PGM5: variants seen among roughly 807,000 people sequenced by gnomAD.
PGM5 encodes the protein phosphoglucomutase-like protein 5.
Under a neutral mutation model 59.2 loss-of-function variants are expected in PGM5, and 23 were observed. The observed-to-expected ratio is 0.39, with a 90% CI of 0.28 to 0.55. PGM5 has a LOEUF of 0.55. PGM5 is among the 20% of genes least tolerant of loss of function. The probability of loss-of-function intolerance (pLI) is 0.66; values close to 1 mark genes in which losing one functional copy is unlikely to be tolerated. For synonymous variants in PGM5, 214 were observed against 286.0 expected (o/e 0.75, Z 2.54); for missense variants, 574 against 748.3 (o/e 0.77, Z 2.72).
At chr9:68,376,793 C>CTTT (rs1204015214) in intron 1 of PGM5, among the ~76,000 whole-genome samples, 1 of 105,686 alleles carries the variant, frequency 9.5e-6, no homozygotes, top group African/African-American at 3.9e-5. Flanking sequence ...TTCTTTCTTT[C>CTTT]TTTCTTTCTT....
chr9:68,441,102 C>T (rs946290463), intron 6 of PGM5, among the ~76,000 whole-genome samples: 15 of 151,910 alleles, frequency 9.9e-5, no homozygotes, highest in Admixed American at 3.9e-4. Flanking sequence ...CAACACTCAC[C>T]CAACATGAAG....
At chr9:68,431,377 T>G (rs1823344308) in intron 6 of PGM5, among the ~76,000 whole-genome samples, 1 of 152,216 alleles carries the variant, frequency 6.6e-6, no homozygotes, top group African/African-American at 2.4e-5. Flanking sequence ...GAAGAGAAGC[T>G]GATCAGGCAA....
intron 6 of PGM5, chr9:68,396,163 C>T (rs1238672122): frequency 6.6e-6 from 1 of 151,942 alleles, no homozygotes. Context: ...TTGATCTTTG[C>T]AATAATTTTA....
chr9:68,418,121 CA>C (rs1237333990), intron 6 of PGM5, among the ~76,000 whole-genome samples: 5 of 152,224 alleles, frequency 3.3e-5, no homozygotes, highest in African/African-American at 9.6e-5. Flanking sequence ...TTCACTATAT[CA>C]CATCCCCATA....
intron 6 of PGM5, among the ~76,000 whole-genome samples, chr9:68,427,995 T>C (rs1472879124): frequency 1.3e-5 from 2 of 152,232 alleles, no homozygotes; most frequent in Non-Finnish European, 2.9e-5. Context: ...GTTCTCTTTA[T>C]GAGTTAGAAT....
chr9:68,414,495 G>C (rs1355658785), intron 6 of PGM5, among the ~76,000 whole-genome samples: 3 of 152,092 alleles, frequency 2.0e-5, no homozygotes, highest in African/African-American at 7.2e-5. Context: ...TGCTCCCGCT[G>C]TCAGTCTCCC....
At chr9:68,401,990 C>T (rs1476021040) in intron 6 of PGM5, among the ~76,000 whole-genome samples, 15 of 152,006 alleles carry the variant, frequency 9.9e-5, no homozygotes, top group Non-Finnish European at 1.5e-4. Flanking sequence ...TGGCTGGGCG[C>T]GGTGGCTCAC....
At chr9:68,492,319 AGAGTTGGAATTTG>A (rs568034243) in intron 9 of PGM5, among the ~76,000 whole-genome samples, 34 of 152,278 alleles carry the variant, frequency 2.2e-4, no homozygotes, top group African/African-American at 7.9e-4. Context: ...TCCAGTTTTG[AGAGTTGGAATTTG>A]GATGAGGAAT....
At chr9:68,379,492 TA>T (rs781844477) in intron 2 of PGM5, among the ~76,000 whole-genome samples, 1 of 152,090 alleles carries the variant, frequency 6.6e-6, no homozygotes, top group Non-Finnish European at 1.5e-5. Context: ...AGCAGAAAAC[TA>T]AACCACCAAA....
chr9:68,378,199 A>G lies in PGM5; in HGVS notation c.262A>G (p.Ile88Val). The G allele has an allele frequency of 2.6e-6, 4 of 1,545,726 alleles. No homozygotes were observed. Among genetic ancestry groups the G allele is most frequent in the African/African-American group, 1.5e-5 (1 of 68,540 alleles). ...TGATTTTTTTTTTTGGATGGTTTAG[A>G]TTGGACGACTGATTATTGGACAGAA... is the stretch of plus-strand genomic sequence containing the variant. ...IVVQMAAANGIGRLIIGQNGI... is the reference protein window; with the variant it reads ...IVVQMAAANGVGRLIIGQNGI... The change falls in exon 2 of 11, where the codon ATT (isoleucine) becomes GTT (valine). Residue 88 changes from isoleucine to valine, a missense_variant and splice_region_variant. Physicochemically the swap from Ile to Val is conservative, Grantham distance 29. Coordinates refer to ENST00000396396, the MANE Select transcript of PGM5 (RefSeq NM_021965.4).
At chr9:68,364,650 C>G (rs1834645075) in intron 1 of PGM5, among the ~76,000 whole-genome samples, 1 of 152,208 alleles carries the variant, frequency 6.6e-6, no homozygotes, top group Non-Finnish European at 1.5e-5. Flanking sequence ...TTCTGAATCC[C>G]CATCCCCAGG....
intron 10 of PGM5, among the ~76,000 whole-genome samples, chr9:68,505,741 C>A (rs1254182145): frequency 1.3e-5 from 2 of 152,156 alleles, no homozygotes; most frequent in African/African-American, 4.8e-5. Context: ...GCTCTTCAAA[C>A]CCTGTTGCTG....
intron 1 of PGM5, among the ~76,000 whole-genome samples, chr9:68,371,976 C>T (rs583999): frequency 0.013 from 1,908 of 152,292 alleles, 42 homozygotes; most frequent in African/African-American, 0.044. Context: ...TTCGATGAGG[C>T]AGACCCTCAC....
At chr9:68,456,530 A>G (rs1823780182) in intron 6 of PGM5, among the ~76,000 whole-genome samples, 2 of 147,528 alleles carry the variant, frequency 1.4e-5, no homozygotes, top group Admixed American at 6.8e-5. Flanking sequence ...CCCATCAGCC[A>G]GGATGGTCTC....
At chr9:68,487,251 G>C (rs975130934) in intron 9 of PGM5, among the ~76,000 whole-genome samples, 1 of 152,078 alleles carries the variant, frequency 6.6e-6, no homozygotes, top group African/African-American at 2.4e-5. Context: ...TCATCTTGAG[G>C]GGAGGAGCTA....
intron 6 of PGM5, among the ~76,000 whole-genome samples, chr9:68,413,088 C>T (rs1351313726): frequency 6.6e-6 from 1 of 152,152 alleles, no homozygotes; most frequent in Non-Finnish European, 1.5e-5. Context: ...TGGACAGGTA[C>T]CACAATGGGT....
chr9:68,474,693 C>A (rs1214211092), intron 7 of PGM5, among the ~76,000 whole-genome samples: 6 of 151,368 alleles, frequency 4.0e-5, no homozygotes, highest in Non-Finnish European at 8.8e-5. Context: ...AGTAAGATTG[C>A]GTGGGCTTTG....
chr9:68,440,699 A>G (rs1823510991), intron 6 of PGM5, among the ~76,000 whole-genome samples: 1 of 152,102 alleles, frequency 6.6e-6, no homozygotes, highest in Non-Finnish European at 1.5e-5. Flanking sequence ...TAATATAAGC[A>G]TTAAGAGCTT....
chr9:68,504,576 C>G (rs1554688877), intron 10 of PGM5, among the ~76,000 whole-genome samples: 1 of 152,184 alleles, frequency 6.6e-6, no homozygotes, highest in Non-Finnish European at 1.5e-5. Flanking sequence ...TTCCTTCTGA[C>G]ATCTGCATAG....
Sources: allele counts gnomAD v4.1 joint callset (sites outside exome capture counted in the v4.1 genomes callset), GRCh38; gene constraint gnomAD v4.1.1; transcripts MANE v1.5; gene names NCBI Gene and HGNC (gene_info 2026-07-23, HGNC 2026-07-21).